The following HSD17B11 variants were observed in gnomAD, a reference collection of about 807,000 sequenced individuals.
HSD17B11 encodes hydroxysteroid 17-beta dehydrogenase 11.
A neutral mutation model predicts 27.8 loss-of-function variants in HSD17B11; 22 were observed. The observed-to-expected ratio is 0.79, with a 90% CI of 0.56 to 1.13. HSD17B11 has a LOEUF of 1.13. Among genes scored for constraint, HSD17B11 ranks in the 50% most tolerant of loss-of-function variants. HSD17B11 has a pLI of 0.00. For synonymous variants in HSD17B11, 117 were observed against 132.8 expected (o/e 0.88, Z 0.82); for missense variants, 314 against 351.1 (o/e 0.89, Z 0.84).
chr4:87,368,029 A>T (rs890538853), intron 4 of HSD17B11, among the ~76,000 whole-genome samples: 75 of 152,174 alleles, frequency 4.9e-4, no homozygotes, highest in African/African-American at 1.8e-3. Flanking sequence ...GTCAAAACTC[A>T]AGAGTCGGCT....
intron 5 of HSD17B11, among the ~76,000 whole-genome samples, chr4:87,344,288 A>G (rs1335235536): frequency 6.6e-6 from 1 of 152,230 alleles, no homozygotes; most frequent in Non-Finnish European, 1.5e-5. Flanking sequence ...CAGATGGGAA[A>G]TTAGATGTTT....
chr4:87,383,963 T>A (rs1311258417), intron 1 of HSD17B11, among the ~76,000 whole-genome samples: 1 of 152,172 alleles, frequency 6.6e-6, no homozygotes, highest in Non-Finnish European at 1.5e-5. Flanking sequence ...CATACATTTA[T>A]CCACAGAGAG....
At chr4:87,375,385 G>A (rs981033517) in intron 2 of HSD17B11, among the ~76,000 whole-genome samples, 1 of 152,190 alleles carries the variant, frequency 6.6e-6, no homozygotes. Flanking sequence ...ATTGACTATA[G>A]ATCAAGAGGC....
intron 2 of HSD17B11, among the ~76,000 whole-genome samples, chr4:87,379,812 T>G (rs1243207892): frequency 6.9e-6 from 1 of 144,358 alleles, no homozygotes; most frequent in Non-Finnish European, 1.5e-5. Flanking sequence ...ACTATAGTAT[T>G]ATAGTATTAA....
chr4:87,370,045 A>T lies in HSD17B11; in HGVS notation c.557+2664T>A, dbSNP rs1735679271. ...ACTAAAACTCTGAAAAGAAATTAAA[A>T]TTTTTTTCCTAAGATAGGCTACTAG... On this transcript the variant is annotated intron_variant, in intron 4 of 6. Transcript: ENST00000358290. 2.0e-5 allele frequency among the ~76,000 whole-genome samples: 3 copies of T among 152,106 alleles called. No individual in the cohort carries two copies. In the South Asian group the frequency reaches 6.2e-4, roughly 32 times the overall value.
chr4:87,382,677 G>C (rs1720207161), intron 1 of HSD17B11, among the ~76,000 whole-genome samples: 1 of 152,088 alleles, frequency 6.6e-6, no homozygotes, highest in African/African-American at 2.4e-5. Flanking sequence ...TCCATATCAG[G>C]CTTTAAAAAA....
Position 87,375,861 on chromosome 4 carries a change from G to A in HSD17B11, c.319-1031C>T, listed in dbSNP as rs545393844. On this transcript the variant is annotated intron_variant, in intron 2 of 6. Transcript: ENST00000358290. ...TTTATTTCTGTTTATTTTCTGTTCT[G>A]TTGTTCAATCGCTCTCCATTAGGTG... Among the ~76,000 whole-genome samples the A allele has an allele frequency of 1.1e-4, 16 of 152,278 alleles. No homozygotes were observed. The East Asian group carries it at 2.9e-3, about 27-fold the overall frequency.
At chr4:87,372,242 CAAAAAA>C (rs10618602) in intron 4 of HSD17B11, among the ~76,000 whole-genome samples, 54 of 99,456 alleles carry the variant, frequency 5.4e-4, no homozygotes, top group Middle Eastern at 5.7e-3. Flanking sequence ...GACTCCGTCT[CAAAAAA>C]AAAAAAAAAA....
chr4:87,379,139 T>C (rs2110129696), intron 2 of HSD17B11, among the ~76,000 whole-genome samples: 1 of 147,530 alleles, frequency 6.8e-6, no homozygotes, highest in Non-Finnish European at 1.5e-5. Flanking sequence ...TGCATTTTTA[T>C]AGAGACAGGG....
At chr4:87,346,227 C>T (rs11930079) in intron 5 of HSD17B11, among the ~76,000 whole-genome samples, 5 of 152,112 alleles carry the variant, frequency 3.3e-5, no homozygotes, top group South Asian at 4.1e-4. Flanking sequence ...AACGTTCCTT[C>T]GTGATAAAAA....
intron 5 of HSD17B11, among the ~76,000 whole-genome samples, 159 bp downstream of exon 5, chr4:87,357,120 T>A (rs1350498355): frequency 6.6e-6 from 1 of 152,260 alleles, no homozygotes; most frequent in African/African-American, 2.4e-5. Flanking sequence ...TCTTTTTGGC[T>A]TTCCACCTGT....
chr4:87,340,881 A>G (rs1406154523), intron 5 of HSD17B11, among the ~76,000 whole-genome samples: 2 of 152,232 alleles, frequency 1.3e-5, no homozygotes, highest in African/African-American at 2.4e-5. Context: ...TGAAGGCAAT[A>G]TTATAATTCC....
At chr4:87,343,702 C>T (rs866950228) in intron 5 of HSD17B11, among the ~76,000 whole-genome samples, 5 of 152,134 alleles carry the variant, frequency 3.3e-5, no homozygotes, top group Non-Finnish European at 5.9e-5. Context: ...CATGTGCCAC[C>T]ACGCCTGGCT....
intron 5 of HSD17B11, among the ~76,000 whole-genome samples, chr4:87,346,246 A>G (rs1431371792): frequency 6.6e-6 from 1 of 152,232 alleles, no homozygotes; most frequent in Non-Finnish European, 1.5e-5. Flanking sequence ...AACACTCAAC[A>G]AACTAGGAAC....
intron 1 of HSD17B11, chr4:87,386,790 C>T (rs1053237420): frequency 1.3e-5 from 2 of 152,074 alleles, no homozygotes; most frequent in African/African-American, 4.8e-5. Context: ...TTCAGTTATT[C>T]ATTAATTCAG....
intron 2 of HSD17B11, among the ~76,000 whole-genome samples, chr4:87,380,995 G>C (rs187077811): frequency 6.6e-6 from 1 of 151,204 alleles, no homozygotes; most frequent in Admixed American, 6.6e-5. Flanking sequence ...AGACCACCCT[G>C]GCCAACATAG....
At chr4:87,387,502 C>T (rs1185604748) in intron 1 of HSD17B11, among the ~76,000 whole-genome samples, 2 of 152,198 alleles carry the variant, frequency 1.3e-5, no homozygotes, top group African/African-American at 4.8e-5. Context: ...AGCTTCACAT[C>T]TCCAGTTTCT....
At chr4:87,375,929 G>A (rs1735814801) in intron 2 of HSD17B11, among the ~76,000 whole-genome samples, 1 of 152,208 alleles carries the variant, frequency 6.6e-6, no homozygotes, top group Non-Finnish European at 1.5e-5. Context: ...TGGACCTTGA[G>A]TTTGGGCTCT....
chr4:87,355,579 G>A (rs1350654131), intron 5 of HSD17B11, among the ~76,000 whole-genome samples: 1 of 152,036 alleles, frequency 6.6e-6, no homozygotes, highest in Non-Finnish European at 1.5e-5. Context: ...TCAAATGTAT[G>A]AAGAATTGTT....
Sources: allele counts gnomAD v4.1 joint callset (sites outside exome capture counted in the v4.1 genomes callset), GRCh38; gene constraint gnomAD v4.1.1; transcripts MANE v1.5; gene names NCBI Gene and HGNC (gene_info 2026-07-23, HGNC 2026-07-21).